The following ATP8A2 variants were observed in gnomAD, a reference collection of about 807,000 sequenced individuals.
ATP8A2 encodes phospholipid-transporting ATPase IB.
A neutral mutation model predicts 165.6 loss-of-function variants in ATP8A2; 100 were observed. The observed-to-expected ratio is 0.60, with a 90% CI of 0.51 to 0.71. The LOEUF (loss-of-function observed/expected upper bound fraction) is 0.71. Ranked by LOEUF, ATP8A2 falls within the 30% of genes least tolerant of loss-of-function variation. ATP8A2 has a pLI of 0.00. For missense variants in ATP8A2, 1,227 were observed against 1,479.5 expected, an observed-to-expected ratio of 0.83 and a Z score of 2.80; for synonymous variants, 543 against 548.8, an observed-to-expected ratio of 0.99 and a Z score of 0.15.
chr13:25,753,139 G>A (rs1187405577), intron 25 of ATP8A2, among the ~76,000 whole-genome samples: 1 of 152,188 alleles, frequency 6.6e-6, no homozygotes, highest in African/African-American at 2.4e-5. Flanking sequence ...AGTGGGCATG[G>A]GGCGCTGCTG....
At chr13:25,763,732 GCA>G (rs1211887740) in intron 25 of ATP8A2, among the ~76,000 whole-genome samples, 1 of 152,144 alleles carries the variant, frequency 6.6e-6, no homozygotes, top group African/African-American at 2.4e-5. Flanking sequence ...TGAGGGAGCC[GCA>G]CAGTTTGGAT....
chr13:25,892,603 C>CT (rs1953407393), intron 33 of ATP8A2, among the ~76,000 whole-genome samples: 1 of 151,838 alleles, frequency 6.6e-6, no homozygotes, highest in African/African-American at 2.4e-5. Context: ...CTCTCTCTCC[C>CT]TCCTCCTCTC....
At chr13:26,013,499 A>ACCT (rs1177148685) in intron 36 of ATP8A2, among the ~76,000 whole-genome samples, 6 of 152,138 alleles carry the variant, frequency 3.9e-5, no homozygotes, top group African/African-American at 1.4e-4. Flanking sequence ...ACATGGTGAA[A>ACCT]CCTCGTCTCT....
intron 24 of ATP8A2, among the ~76,000 whole-genome samples, chr13:25,652,024 T>C (rs2041824795): frequency 6.6e-6 from 1 of 152,190 alleles, no homozygotes; most frequent in African/African-American, 2.4e-5. Context: ...GGAATTTTAT[T>C]CCGACCTATG....
chr13:25,519,025 C>T (rs759421950), intron 2 of ATP8A2, among the ~76,000 whole-genome samples: 6 of 152,172 alleles, frequency 3.9e-5, no homozygotes, highest in Non-Finnish European at 7.3e-5. Flanking sequence ...CCCTTTGCCA[C>T]GTTCATTTCA....
intron 35 of ATP8A2, among the ~76,000 whole-genome samples, chr13:26,006,937 T>A (rs1443284504): frequency 6.6e-6 from 1 of 151,904 alleles, no homozygotes; most frequent in African/African-American, 2.4e-5. Context: ...AATTTAGTAT[T>A]CATATACTGA....
chr13:25,388,968 G>A (rs1382675654), intron 1 of ATP8A2, among the ~76,000 whole-genome samples: 1 of 152,222 alleles, frequency 6.6e-6, no homozygotes, highest in African/African-American at 2.4e-5. Context: ...GCCAAGCTCT[G>A]TGGTGTGGAA....
At chr13:25,679,208 A>C (rs1266147912) in intron 24 of ATP8A2, among the ~76,000 whole-genome samples, 1 of 152,180 alleles carries the variant, frequency 6.6e-6, no homozygotes, top group Non-Finnish European at 1.5e-5. Flanking sequence ...GAAAGAGGGA[A>C]ATACTGGAAA....
chr13:25,639,431 A>G lies in ATP8A2; in HGVS notation c.2211+49732A>G, dbSNP rs532000217. The stretch of plus-strand genomic sequence containing the variant: ...AGATCTACTAAGCAAATGGAAAACA[A>G]GAAAAGGCAGGGGTTGCAATCCTAG... On this transcript the variant is annotated intron_variant, in intron 24 of 36. Transcript: ENST00000381655. 9.9e-4 allele frequency among the ~76,000 whole-genome samples: 151 copies of G among 152,328 alleles called. 1 individual carries two copies. The highest frequency in any genetic ancestry group is 1.8e-3 in the Non-Finnish European group (125 of 68,026).
intron 1 of ATP8A2, among the ~76,000 whole-genome samples, chr13:25,457,214 G>T (rs1463773414): frequency 6.6e-6 from 1 of 152,102 alleles, no homozygotes; most frequent in African/African-American, 2.4e-5. Context: ...TGGCTACTGG[G>T]ATTTCTTTTT....
At chr13:25,791,261 A>G (rs1295440788) in intron 27 of ATP8A2, among the ~76,000 whole-genome samples, 2 of 152,150 alleles carry the variant, frequency 1.3e-5, no homozygotes, top group Non-Finnish European at 2.9e-5. Flanking sequence ...GGAGGCCATT[A>G]TCGTTGGCAA....
rs370480354 is a variant in ATP8A2 at position 25,968,544 on chromosome 13, A to G, written c.3273-31A>G. On this transcript the variant is annotated intron_variant, in intron 34 of 36. Transcript: ENST00000381655. ...CCCAGCTGTGTCAAGTCTCTATGCC[A>G]TGTTCGTTTTGTCTTTTCCTCATAA... The G allele has an allele frequency of 2.3e-5, 37 of 1,587,350 alleles. No homozygotes were observed. In the African/African-American group the frequency reaches 4.8e-4, roughly 21 times the overall value.
chr13:25,957,808 A>T, intron 33 of ATP8A2, among the ~76,000 whole-genome samples: 1 of 152,200 alleles, frequency 6.6e-6, no homozygotes, highest in Non-Finnish European at 1.5e-5. Context: ...ATAAAGACAC[A>T]TGTACACGCT....
intron 27 of ATP8A2, among the ~76,000 whole-genome samples, chr13:25,789,152 A>G (rs1360237462): frequency 2.0e-5 from 3 of 152,206 alleles, no homozygotes; most frequent in African/African-American, 7.2e-5. Flanking sequence ...AACTGTGTCA[A>G]TGCTTGGAAA....
intron 24 of ATP8A2, among the ~76,000 whole-genome samples, chr13:25,686,501 G>A (rs1369416993): frequency 1.3e-5 from 2 of 152,126 alleles, no homozygotes; most frequent in African/African-American, 4.8e-5. Flanking sequence ...CTGGCCAAGA[G>A]CACGTGTGTT....
At position 25,612,787 on chromosome 13, in the gene ATP8A2, T is replaced by C. The variant is rs187633075; in HGVS notation, c.2211+23088T>C. On this transcript the variant is annotated intron_variant, in intron 24 of 36. Transcript: ENST00000381655. The stretch of plus-strand genomic sequence containing the variant: ...CATCTATCTCATTTCTTAGGTCTAG[T>C]AGTAATTGTTTTATAAATTTGGGAG... Among the ~76,000 whole-genome samples the C allele has an allele frequency of 3.9e-5, 6 of 152,276 alleles. No homozygotes were observed. The East Asian group carries it at 9.6e-4, about 24-fold the overall frequency.
intron 25 of ATP8A2, among the ~76,000 whole-genome samples, chr13:25,711,285 G>A (rs933974048): frequency 1.1e-4 from 17 of 152,284 alleles, no homozygotes; most frequent in Non-Finnish European, 4.4e-5. Flanking sequence ...GATTACAGGC[G>A]TGAGCTACCG....
At chr13:25,905,321 T>C (rs1275409273) in intron 33 of ATP8A2, among the ~76,000 whole-genome samples, 20 of 152,198 alleles carry the variant, frequency 1.3e-4, no homozygotes, top group Admixed American at 1.3e-3. Context: ...TAAGTTTTTC[T>C]CTTCCTCTCC....
chr13:25,972,636 GA>G (rs1955941224), intron 35 of ATP8A2, among the ~76,000 whole-genome samples: 2 of 152,288 alleles, frequency 1.3e-5, no homozygotes, highest in African/African-American at 4.8e-5. Flanking sequence ...CACCGCACAT[GA>G]AATAGTCTAC....
Sources: gnomAD v4.1 joint callset for allele counts (sites outside exome capture counted in the v4.1 genomes callset) on GRCh38, gnomAD v4.1.1 for gene constraint, MANE v1.5 for transcripts, NCBI Gene and HGNC (gene_info 2026-07-23, HGNC 2026-07-21) for gene names.